Variants in TNRC18 observed in about 807,000 individuals in gnomAD.
TNRC18 encodes the protein trinucleotide repeat-containing gene 18 protein.
A neutral mutation model predicts 226.7 loss-of-function variants in TNRC18; 69 were observed. The ratio of observed to expected loss-of-function variants is 0.30; its 90% CI spans 0.25 to 0.37. The LOEUF (loss-of-function observed/expected upper bound fraction) is 0.37. Ranked by LOEUF, TNRC18 falls within the 10% of genes least tolerant of loss-of-function variation. TNRC18 has a pLI of 1.00. For missense variants in TNRC18, 4,754 were observed against 4,256.6 expected (o/e 1.12, Z -3.25); for synonymous variants, 2,449 against 1,927.6 (o/e 1.27, Z -7.09).
intron 2 of TNRC18, among the ~76,000 whole-genome samples, chr7:5,414,536 C>A (rs1374259874): frequency 1.3e-5 from 2 of 152,042 alleles, no homozygotes; most frequent in Admixed American, 1.3e-4. Context: ...CCTCAGCCTC[C>A]AGAGTAGCTG....
intron 24 of TNRC18, among the ~76,000 whole-genome samples, chr7:5,318,871 G>A (rs896054447): frequency 1.3e-5 from 2 of 152,188 alleles, no homozygotes; most frequent in South Asian, 2.1e-4. Context: ...GTAGAATGAA[G>A]CGATTACAAA....
At chr7:5,346,775 G>A (rs980391194) in intron 17 of TNRC18, among the ~76,000 whole-genome samples, 1 of 152,242 alleles carries the variant, frequency 6.6e-6, no homozygotes, top group African/African-American at 2.4e-5. Context: ...GACCCTCCCA[G>A]CCCACTGGCT....
chr7:5,312,931 A>T lies in TNRC18; in HGVS notation c.7960T>A (p.Ser2654Thr). The T allele has an allele frequency of 7.1e-7, 1 of 1,413,704 alleles. No individual in the cohort carries two copies. Among genetic ancestry groups the T allele is most frequent in the South Asian group, 1.4e-5 (1 of 72,584 alleles). 87.6% of individuals were successfully genotyped at this position (1,413,704 alleles called of 1,614,324 possible). Residue 2654 changes from serine (S) to threonine (T), a missense_variant, in exon 27 of 30, where the codon TCT becomes ACT. Coordinates refer to ENST00000430969, the MANE Select transcript of TNRC18 (RefSeq NM_001080495.3). This position sits in a 1 kb window ranked among gnomAD's most constrained non-coding sequence, Gnocchi z 6.3. The stretch of plus-strand genomic sequence containing the variant: ...GAGGAGGAGGATGAGGACGAGGAAG[A>T]GGAGGAGGAGGAAGAGGAGGAAGAC... ...SSSSSSSSSS[S>T]SSSSSSSSSS... is the part of the protein sequence containing the mutation.
At chr7:5,409,777 C>A (rs1781720914) in intron 2 of TNRC18, among the ~76,000 whole-genome samples, 1 of 143,100 alleles carries the variant, frequency 7.0e-6, no homozygotes, top group African/African-American at 2.6e-5. Context: ...GAGATCGAGA[C>A]CATCGTGGCT....
At position 5,388,033 on chromosome 7, in the gene TNRC18, C is replaced by G; in HGVS notation, c.1791G>C (p.Arg597=). The change falls in exon 5 of 30, where the codon CGG becomes CGC. Residue 597 remains arginine, a synonymous_variant. Coordinates refer to ENST00000430969, the MANE Select transcript of TNRC18 (RefSeq NM_001080495.3). ...SLIKYSGSFA[R]DAVAVRPGGC... ...CACCAGGGCGCACGGCCACGGCGTC[C>G]CGGGCAAAGCTGCCACTGTACTTTA... 6.4e-7 allele frequency: 1 copy of G among 1,564,958 alleles called. No individual in the cohort carries two copies. Among genetic ancestry groups the G allele is most frequent in the South Asian group, 1.2e-5 (1 of 85,498 alleles).
chr7:5,385,383 G>A (rs1297641467), intron 5 of TNRC18, among the ~76,000 whole-genome samples: 1 of 151,576 alleles, frequency 6.6e-6, no homozygotes, highest in African/African-American at 2.4e-5. Context: ...AGCTACTGGG[G>A]AGGCTGAGGC....
At chr7:5,314,945 T>C (rs1433017783) in intron 26 of TNRC18, 39 bp downstream of exon 26, 1 of 1,566,078 alleles carries the variant, frequency 6.4e-7, no homozygotes, top group Non-Finnish European at 8.6e-7. Context: ...ACGAAGGAGA[T>C]CCGCCCACCG....
At position 5,316,228 on chromosome 7, in the gene TNRC18, G is replaced by A. The variant is rs1420189839; in HGVS notation, c.6746-156C>T. On this transcript the variant is annotated intron_variant, in intron 24 of 29. Transcript: ENST00000430969. ...TGGAGGGTATACAGCGGCTCAGAATGTGGGTGTTAGAGCCAGGCCACCCGG... is the reference window on the plus strand; with the variant it reads ...TGGAGGGTATACAGCGGCTCAGAATATGGGTGTTAGAGCCAGGCCACCCGG... Among the ~76,000 whole-genome samples, 4 of 150,784 alleles carry A rather than the reference G, an allele frequency of 2.7e-5. No individual in the cohort carries two copies. The East Asian group carries it at 7.8e-4, about 30-fold the overall frequency.
At chr7:5,325,430 T>TG in intron 19 of TNRC18, 182 bp from the exon 20 acceptor site, 1 of 583,940 alleles carries the variant, frequency 1.7e-6, no homozygotes, top group African/African-American at 2.0e-5. Context: ...TTTTTTTTGT[T>TG]TTTTTTTTTT....
chr7:5,414,313 ATATT>A (rs1267529581), intron 2 of TNRC18, among the ~76,000 whole-genome samples: 1 of 150,538 alleles, frequency 6.6e-6, no homozygotes, highest in African/African-American at 2.4e-5. Context: ...TTATATATGT[ATATT>A]TATAGATATA....
chr7:5,360,530 T>C (rs1217237981), intron 14 of TNRC18, among the ~76,000 whole-genome samples: 1 of 152,102 alleles, frequency 6.6e-6, no homozygotes, highest in Non-Finnish European at 1.5e-5. Flanking sequence ...GTGGCCAACC[T>C]GTGTACTTAT....
Position 5,374,256 on chromosome 7 carries a change from GGAT to G in TNRC18, c.3025_3027del (p.Ile1009del). On this transcript the variant is annotated inframe_deletion, in exon 10 of 30. Transcript: ENST00000430969. ...GGCTTGGACACGTCCTCCAGCTTCT[GGAT>G]GACCTTGGCCTTCAGGGCAGCCACA... 6.7e-7 allele frequency: 1 copy of G among 1,500,888 alleles called. No individual in the cohort carries two copies. The highest frequency in any genetic ancestry group is 8.9e-7 in the Non-Finnish European group (1 of 1,124,270). 93.0% of individuals were successfully genotyped at this position (1,500,888 alleles called of 1,614,324 possible).
intron 5 of TNRC18, among the ~76,000 whole-genome samples, chr7:5,383,253 G>A (rs890711607): frequency 3.3e-5 from 5 of 152,140 alleles, no homozygotes; most frequent in Admixed American, 1.3e-4. Context: ...CTCTGACTGC[G>A]TGGGGCTCAC....
intron 5 of TNRC18, among the ~76,000 whole-genome samples, chr7:5,378,960 G>C (rs1037768011): frequency 2.0e-5 from 3 of 151,748 alleles, no homozygotes; most frequent in East Asian, 1.9e-4. Flanking sequence ...CGGGTGGGGG[G>C]GGCGGGGCGG....
chr7:5,319,057 G>A (rs1473176880), intron 24 of TNRC18, among the ~76,000 whole-genome samples: 1 of 152,210 alleles, frequency 6.6e-6, no homozygotes, highest in African/African-American at 2.4e-5. Flanking sequence ...ATACCCATGA[G>A]GCAGGCCTAG....
At chr7:5,413,453 G>A (rs572374378) in intron 2 of TNRC18, among the ~76,000 whole-genome samples, 1 of 152,168 alleles carries the variant, frequency 6.6e-6, no homozygotes, top group East Asian at 1.9e-4. Context: ...TCCCTCCCTG[G>A]TAACCAACAC....
intron 5 of TNRC18, among the ~76,000 whole-genome samples, chr7:5,384,369 G>A (rs1203161896): frequency 6.6e-6 from 1 of 152,176 alleles, no homozygotes; most frequent in Non-Finnish European, 1.5e-5. Context: ...CCGAAGTGCT[G>A]GGATTACAGG....
chr7:5,361,802 C>T (rs976951524), intron 13 of TNRC18, 80 bp from the exon 14 acceptor site: 115 of 1,527,366 alleles, frequency 7.5e-5, no homozygotes, highest in African/African-American at 8.3e-5. Flanking sequence ...GCACACACGG[C>T]GCCGGGTCCA....
chr7:5,414,190 G>A (rs576665410), intron 2 of TNRC18, among the ~76,000 whole-genome samples: 2 of 151,248 alleles, frequency 1.3e-5, no homozygotes, highest in Admixed American at 6.6e-5. Context: ...CAGGTGATCC[G>A]CCCACCTCAG....
Sources: gnomAD v4.1 joint callset for allele counts (sites outside exome capture counted in the v4.1 genomes callset) on GRCh38, gnomAD v4.1.1 for gene constraint, Gnocchi (gnomAD v3.1) non-coding constraint, MANE v1.5 for transcripts, NCBI Gene and HGNC (gene_info 2026-07-23, HGNC 2026-07-21) for gene names.